DLEC1: variants seen among roughly 807,000 people sequenced by gnomAD.
DLEC1 encodes the protein deleted in lung and esophageal cancer protein 1.
A neutral mutation model predicts 198.1 loss-of-function variants in DLEC1; 146 were observed. The observed-to-expected ratio is 0.74, with a 90% CI of 0.64 to 0.85. The LOEUF (loss-of-function observed/expected upper bound fraction) is 0.85. Ranked by LOEUF, DLEC1 falls within the 40% of genes least tolerant of loss-of-function variation. DLEC1 has a pLI of 0.00. For missense variants in DLEC1, 2,233 were observed against 2,220.0 expected (o/e 1.01, Z -0.12); for synonymous variants, 897 against 866.8 (o/e 1.03, Z -0.61).
intron 6 of DLEC1, among the ~76,000 whole-genome samples, chr3:38,070,719 C>T (rs577010776): frequency 6.6e-6 from 1 of 152,062 alleles, no homozygotes; most frequent in Non-Finnish European, 1.5e-5. Flanking sequence ...AGTGGGGGAG[C>T]TTTTTGAGCC....
intron 2 of DLEC1, chr3:38,052,424 G>A: frequency 5.1e-6 from 1 of 197,700 alleles, no homozygotes; most frequent in Non-Finnish European, 1.1e-5. Context: ...CCACAAATAA[G>A]CAAGGGAAAT....
rs558258141 is a variant in DLEC1 at position 38,091,881 on chromosome 3, G to A, written c.1666-909G>A. 1.6e-4 allele frequency among the ~76,000 whole-genome samples: 24 copies of A among 152,276 alleles called. No homozygotes were observed. In the East Asian group the frequency reaches 4.2e-3, roughly 27 times the overall value. ...TGTTGGCGAGGATGTAGAGAAAAGGGAATCCTTGCCCGCTGTTGATGGGAA... is the reference window on the plus strand; with the variant it reads ...TGTTGGCGAGGATGTAGAGAAAAGGAAATCCTTGCCCGCTGTTGATGGGAA... On this transcript the variant is annotated intron_variant, in intron 10 of 36. Transcript: ENST00000308059.
At chr3:38,080,219 C>T (rs192328520) in intron 6 of DLEC1, among the ~76,000 whole-genome samples, 321 of 152,088 alleles carry the variant, frequency 2.1e-3, no homozygotes, top group Non-Finnish European at 3.6e-3. Context: ...AGTCACGGAA[C>T]GAAACTGTAA....
At position 38,096,771 on chromosome 3, in the gene DLEC1, C is replaced by T. The variant is rs753185693; in HGVS notation, c.2340+34C>T. 19 of 1,571,804 alleles carry T rather than the reference C, an allele frequency of 1.2e-5. No homozygotes were observed. In the Admixed American group the frequency reaches 1.3e-4, roughly 10 times the overall value. On this transcript the variant is annotated intron_variant, in intron 15 of 36. Transcript: ENST00000308059. Reference sequence around the variant, plus strand: ...TTGTCTCTCCCCTGCCTAGGCTGGCCGAGGCAGTGTTGACATGAGTGCAAG... The same window carrying T: ...TTGTCTCTCCCCTGCCTAGGCTGGCTGAGGCAGTGTTGACATGAGTGCAAG...
Position 38,039,580 on chromosome 3 carries a change from A to C in DLEC1, c.355A>C (p.Lys119Gln). Residue 119 changes from lysine to glutamine, a missense_variant, in exon 1 of 37, where the codon AAG becomes CAG. Physicochemically the swap from Lys to Gln is moderately conservative, Grantham distance 53. Coordinates refer to ENST00000308059, the MANE Select transcript of DLEC1 (RefSeq NM_007335.4). ...IGDEVSASLI[K>Q]ARGSENERHE... ...CGACGAAGTGAGCGCAAGCTTGATC[A>C]AGGCCCGCGGCAGCGAGAATGAGCG... 1.9e-6 allele frequency: 3 copies of C among 1,613,096 alleles called. No homozygotes were observed. The highest frequency in any genetic ancestry group is 2.5e-6 in the Non-Finnish European group (3 of 1,179,442).
chr3:38,122,297 A>G lies in DLEC1; in HGVS notation c.5153A>G (p.Glu1718Gly). The change falls in exon 37 of 37, where the codon GAG becomes GGG. Residue 1718 changes from glutamate to glycine, a missense_variant. Physicochemically the swap from Glu to Gly is moderately conservative, Grantham distance 98. Coordinates refer to ENST00000308059, the MANE Select transcript of DLEC1 (RefSeq NM_007335.4). The stretch of plus-strand genomic sequence containing the variant: ...CCACATGCTCCCCACAGGAGTAGTG[A>G]GCTGTACGAGTCCACGATGGTGGTG... The part of the protein sequence containing the change: ...LQVFFTARSS[E>G]LYESTMVVEG... The G allele has an allele frequency of 1.2e-6, 2 of 1,612,760 alleles. No individual in the cohort carries two copies. Among genetic ancestry groups the G allele is most frequent in the Non-Finnish European group, 1.7e-6 (2 of 1,179,180 alleles).
intron 23 of DLEC1, among the ~76,000 whole-genome samples, chr3:38,111,196 C>T (rs918858451): frequency 1.2e-4 from 19 of 152,298 alleles, no homozygotes; most frequent in South Asian, 2.1e-4. Flanking sequence ...TTAGAAACCA[C>T]GGCTATGGGT....
intron 6 of DLEC1, among the ~76,000 whole-genome samples, chr3:38,069,913 T>C (rs949388020): frequency 2.0e-5 from 3 of 152,212 alleles, no homozygotes; most frequent in Non-Finnish European, 4.4e-5. Context: ...ACATACTTCA[T>C]ATTTATGTCA....
rs777861082 is a variant in DLEC1 at position 38,107,591 on chromosome 3, C to T, written c.2872C>T (p.Pro958Ser). The T allele has an allele frequency of 8.7e-6, 14 of 1,606,444 alleles. No individual in the cohort carries two copies. The highest frequency in any genetic ancestry group is 1.1e-5 in the Non-Finnish European group (13 of 1,175,630). Residue 958 changes from proline to serine, a missense_variant, in exon 20 of 37, where the codon CCT becomes TCT. Pro to Ser is a moderately conservative substitution (Grantham distance 74, BLOSUM62 -1). Coordinates refer to ENST00000308059, the MANE Select transcript of DLEC1 (RefSeq NM_007335.4). Reference protein sequence around the residue: ...EVENGAWSYLPVYAEVQKPHV... With the variant: ...EVENGAWSYLSVYAEVQKPHV... Reference sequence around the variant, plus strand: ...TGTTTCCTCGTGTTCCAGCTACCTTCCTGTGTATGCTGAGGTACAGAAGCC... The same window carrying T: ...TGTTTCCTCGTGTTCCAGCTACCTTTCTGTGTATGCTGAGGTACAGAAGCC...
At chr3:38,065,203 C>T (rs911972477) in intron 6 of DLEC1, among the ~76,000 whole-genome samples, 4 of 152,228 alleles carry the variant, frequency 2.6e-5, no homozygotes, top group Non-Finnish European at 5.9e-5. Flanking sequence ...TCATGCGTGG[C>T]GGCGCACGCC....
intron 22 of DLEC1, 46 bp from the exon 23 acceptor site, chr3:38,110,053 G>A (rs1168110842): frequency 2.5e-6 from 4 of 1,601,148 alleles, no homozygotes; most frequent in South Asian, 2.2e-5. Flanking sequence ...CAGGGCCAAG[G>A]GTGGTGTGTT....
At chr3:38,089,014 C>T (rs1016224417) in intron 10 of DLEC1, among the ~76,000 whole-genome samples, 52 of 152,180 alleles carry the variant, frequency 3.4e-4, no homozygotes, top group African/African-American at 1.2e-3. Context: ...CCACTCTCCC[C>T]GACTCCTGGT....
chr3:38,121,249 A>G (rs1186840740), intron 34 of DLEC1, among the ~76,000 whole-genome samples: 1 of 152,214 alleles, frequency 6.6e-6, no homozygotes, highest in East Asian at 1.9e-4. Flanking sequence ...AGGAGGGCAC[A>G]GGTGGGGCCT....
At position 38,117,866 on chromosome 3, in the gene DLEC1, C is replaced by T; in HGVS notation, c.4546C>T (p.His1516Tyr). 1 of 1,614,184 alleles carries T rather than the reference C, an allele frequency of 6.2e-7. No homozygotes were observed. The highest frequency in any genetic ancestry group is 8.5e-7 in the Non-Finnish European group (1 of 1,180,028). The change falls in exon 33 of 37, where the codon CAC becomes TAC. Residue 1516 changes from histidine (H) to tyrosine (Y), a missense_variant. Physicochemically the swap from His to Tyr is moderately conservative, Grantham distance 83. Transcript: ENST00000308059. ...GCTGACCAACACTACAGAGATCCCA[C>T]ACTACTTCCGGCTTATGGTCTCCAG... The part of the protein sequence containing the change: ...LKLTNTTEIP[H>Y]YFRLMVSRPF...
At chr3:38,073,944 T>C (rs1427662442) in intron 6 of DLEC1, among the ~76,000 whole-genome samples, 2 of 152,156 alleles carry the variant, frequency 1.3e-5, no homozygotes, top group Non-Finnish European at 2.9e-5. Flanking sequence ...GCTGAGCAGA[T>C]CTGGGAAGGA....
intron 7 of DLEC1, among the ~76,000 whole-genome samples, chr3:38,084,610 A>AGTGGTGGTGGTAGTAGTGGTG (rs1559431043): frequency 4.5e-5 from 1 of 22,410 alleles, no homozygotes; most frequent in Non-Finnish European, 1.1e-4. Flanking sequence ...TAGCAGTAGC[A>AGTGGTGGTGGTAGTAGTGGTG]GTAGCAGTAC....
At chr3:38,117,476 C>A in intron 31 of DLEC1, 51 bp from the exon 32 acceptor site, 1 of 1,612,520 alleles carries the variant, frequency 6.2e-7, no homozygotes, top group East Asian at 2.2e-5. Flanking sequence ...TGGGGGCAGC[C>A]AGAAGGCCCC....
chr3:38,080,822 T>TTA lies in DLEC1; in HGVS notation c.1174-3336_1174-3335insTA, dbSNP rs1491162310. On this transcript the variant is annotated intron_variant, in intron 6 of 36. Transcript: ENST00000308059. ...GTGTTCTTTTTTTTTTTTTTTTTTT[T>TTA]AATTTATTTTTTATTGATAATTCTT... 5.0e-5 allele frequency among the ~76,000 whole-genome samples: 7 copies of TTA among 138,816 alleles called. No individual in the cohort carries two copies. The East Asian group carries it at 6.2e-4, about 12-fold the overall frequency. The allele number at this position is 138,816 out of a possible 152,430, so 91.1% of individuals were successfully genotyped here. A position where few individuals can be genotyped will look rare whatever the true frequency, so the allele number is the denominator to read the frequency against.
At chr3:38,103,976 C>A (rs1274241581) in intron 19 of DLEC1, among the ~76,000 whole-genome samples, 7 of 152,078 alleles carry the variant, frequency 4.6e-5, no homozygotes, top group Admixed American at 4.6e-4. Flanking sequence ...AAAAAGTTTG[C>A]AAGACATGAC....
Sources: allele counts gnomAD v4.1 joint callset (sites outside exome capture counted in the v4.1 genomes callset), GRCh38; gene constraint gnomAD v4.1.1; transcripts MANE v1.5; gene names NCBI Gene and HGNC (gene_info 2026-07-23, HGNC 2026-07-21).